Variants in SLCO1A2 observed in about 807,000 individuals in gnomAD.
SLCO1A2 encodes the protein solute carrier organic anion transporter family member 1A2.
A neutral mutation model predicts 69.0 loss-of-function variants in SLCO1A2; 67 were observed. That is an observed-to-expected ratio of 0.97 (90% CI 0.80 to 1.19). The LOEUF (loss-of-function observed/expected upper bound fraction) is 1.19, where lower values mean the gene tolerates loss of function less well. Ranked by LOEUF, SLCO1A2 falls within the 50% of genes most tolerant of loss-of-function variation. SLCO1A2 has a pLI of 0.00. For missense variants in SLCO1A2, 787 were observed against 793.7 expected (o/e 0.99, Z 0.10); for synonymous variants, 260 against 265.9 (o/e 0.98, Z 0.22).
chr12:21,406,542 A>C (rs1436218900), intron 1 of SLCO1A2, among the ~76,000 whole-genome samples: 1 of 152,218 alleles, frequency 6.6e-6, no homozygotes, highest in Non-Finnish European at 1.5e-5. Context: ...TAAAAATTAG[A>C]GTTAACAGTT....
intron 1 of SLCO1A2, among the ~76,000 whole-genome samples, chr12:21,406,472 T>A (rs576043523): frequency 8.7e-4 from 132 of 152,298 alleles, no homozygotes; most frequent in Admixed American, 2.3e-3. Flanking sequence ...GAAATGGAAA[T>A]TTCAATCTTT....
intron 12 of SLCO1A2, among the ~76,000 whole-genome samples, chr12:21,284,439 C>T (rs1591789859): frequency 7.4e-6 from 1 of 134,900 alleles, no homozygotes. Context: ...CAACATTAGA[C>T]AGATCAATGA....
At chr12:21,310,925 A>G (rs755516102) in intron 4 of SLCO1A2, among the ~76,000 whole-genome samples, 17 of 152,176 alleles carry the variant, frequency 1.1e-4, no homozygotes, top group Non-Finnish European at 2.4e-4. Context: ...GTTTGATAGC[A>G]TTTTACCCAC....
chr12:21,272,517 A>C (rs1227845256), intron 14 of SLCO1A2, among the ~76,000 whole-genome samples: 1 of 151,900 alleles, frequency 6.6e-6, no homozygotes, highest in African/African-American at 2.4e-5. Flanking sequence ...TTTATTATTA[A>C]GTAATATCTC....
At chr12:21,388,331 TC>T (rs375469487) in intron 1 of SLCO1A2, among the ~76,000 whole-genome samples, 80 of 152,116 alleles carry the variant, frequency 5.3e-4, no homozygotes, top group African/African-American at 1.9e-3. Flanking sequence ...CACCCAAATC[TC>T]ATTTTGAATT....
At position 21,403,914 on chromosome 12, in the gene SLCO1A2, A is replaced by T. The variant is rs550674091; in HGVS notation, c.-312+13968T>A. ...TCAAATATAATATGTTAATGTACTCATTGAGTAAACTGACACACATATATT... is the reference window on the plus strand; with the variant it reads ...TCAAATATAATATGTTAATGTACTCTTTGAGTAAACTGACACACATATATT... On this transcript the variant is annotated intron_variant, in intron 1 of 4. Coordinates refer to the SLCO1A2 transcript ENST00000413682. Among the ~76,000 whole-genome samples the T allele has an allele frequency of 3.3e-5, 5 of 152,152 alleles. No homozygotes were observed. In the South Asian group the frequency reaches 1.0e-3, roughly 32 times the overall value.
intron 2 of SLCO1A2, among the ~76,000 whole-genome samples, chr12:21,320,278 T>C (rs1443350767): frequency 6.6e-6 from 1 of 151,930 alleles, no homozygotes; most frequent in Non-Finnish European, 1.5e-5. Context: ...CCAGCCACAT[T>C]CTCTCTCTTC....
At chr12:21,372,815 T>G (rs1939897629) in intron 2 of SLCO1A2, 3 of 159,646 alleles carry the variant, frequency 1.9e-5, no homozygotes, top group African/African-American at 7.2e-5. Context: ...GGATGGAAAT[T>G]AATGACAGAG....
rs950985185 is a variant in SLCO1A2 at position 21,404,309 on chromosome 12, T to C, written c.-312+13573A>G. 8.5e-5 allele frequency among the ~76,000 whole-genome samples: 13 copies of C among 152,148 alleles called. No individual in the cohort carries two copies. In the South Asian group the frequency reaches 1.9e-3, roughly 22 times the overall value. Reference sequence around the variant, plus strand: ...TTGTTACATAGGTAAAAATGTGCCATGATGATTTGCTGCACCTATCAACCC... The same window carrying C: ...TTGTTACATAGGTAAAAATGTGCCACGATGATTTGCTGCACCTATCAACCC... On this transcript the variant is annotated intron_variant, in intron 1 of 4. Coordinates refer to the SLCO1A2 transcript ENST00000413682.
At chr12:21,365,829 C>G (rs1473000280) in intron 2 of SLCO1A2, among the ~76,000 whole-genome samples, 1 of 152,186 alleles carries the variant, frequency 6.6e-6, no homozygotes, top group Non-Finnish European at 1.5e-5. Context: ...CAGAGAAATG[C>G]ACATCAAAAC....
Position 21,269,665 on chromosome 12 carries a change from A to G in SLCO1A2, c.1896T>C (p.Asn632=). ...CTATAAGCTCTGTTCCTGAAGAGGCATTTTCACCAGGTAGATGACACTTCC... is the reference window on the plus strand; with the variant it reads ...CTATAAGCTCTGTTCCTGAAGAGGCGTTTTCACCAGGTAGATGACACTTCC... ...LLRKCHLPGE[N]ASSGTELIET... is the part of the protein sequence containing the mutation. Residue 632 remains asparagine (N), a synonymous_variant, in exon 15 of 15, where the codon AAT becomes AAC. Transcript: ENST00000683939. The G allele has an allele frequency of 6.2e-7, 1 of 1,612,716 alleles. No individual in the cohort carries two copies. The highest frequency in any genetic ancestry group is 2.2e-5 in the East Asian group (1 of 44,804).
At chr12:21,413,237 C>CTTTTTTTTTTTTTTTTTTTTTTTTTTTTT (rs3983534) in intron 1 of SLCO1A2, among the ~76,000 whole-genome samples, 16 of 99,468 alleles carry the variant, frequency 1.6e-4, no homozygotes, top group South Asian at 3.5e-4. Flanking sequence ...TTTTCTTTTT[C>CTTTTTTTTTTTTTTTTTTTTTTTTTTTTT]TTTTTTTTTT....
At chr12:21,293,302 C>T (rs1038098771) in intron 11 of SLCO1A2, among the ~76,000 whole-genome samples, 1 of 150,484 alleles carries the variant, frequency 6.6e-6, no homozygotes, top group African/African-American at 2.4e-5. Context: ...GACTCCATCT[C>T]AAAAAAAAGA....
chr12:21,347,669 A>AAAGGAAGGAAGGAAGGAAGG (rs147886864), intron 2 of SLCO1A2, among the ~76,000 whole-genome samples: 33,460 of 113,138 alleles, frequency 0.3, 6,068 homozygotes, highest in South Asian at 0.38. Flanking sequence ...AGAAAGAAAG[A>AAAGGAAGGAAGGAAGGAAGG]AAGGAAGGAA....
chr12:21,369,851 T>C (rs1041908319), intron 2 of SLCO1A2, among the ~76,000 whole-genome samples: 2 of 152,188 alleles, frequency 1.3e-5, no homozygotes, highest in African/African-American at 2.4e-5. Flanking sequence ...AAGGAGATTA[T>C]GCCCTTGTAA....
chr12:21,373,013 T>C (rs1394306606), intron 2 of SLCO1A2: 1 of 283,370 alleles, frequency 3.5e-6, no homozygotes, highest in Middle Eastern at 1.2e-3. Flanking sequence ...AGGTAAAGAA[T>C]TTCCTATTTC....
rs369635599 is a variant in SLCO1A2 at position 21,349,115 on chromosome 12, A to T, written c.-62-14406T>A. Among the ~76,000 whole-genome samples, 33 of 152,276 alleles carry T rather than the reference A, an allele frequency of 2.2e-4. 1 individual carries two copies. The South Asian group carries it at 6.2e-3, about 29-fold the overall frequency. On this transcript the variant is annotated intron_variant, in intron 2 of 15. Coordinates refer to the SLCO1A2 transcript ENST00000307378. ...ATTTTTTAAAAGGGGAGGAGAGAAG[A>T]TCTGTCCCTTTCCAGATGGTGAGGC...
intron 6 of SLCO1A2, among the ~76,000 whole-genome samples, chr12:21,302,555 ATT>A (rs34875372): frequency 2.8e-5 from 4 of 140,840 alleles, no homozygotes; most frequent in South Asian, 2.3e-4. Context: ...TTACCTCTCC[ATT>A]TTTTTTTTTT....
At chr12:21,347,175 A>T (rs1036140439) in intron 2 of SLCO1A2, among the ~76,000 whole-genome samples, 7 of 152,126 alleles carry the variant, frequency 4.6e-5, no homozygotes, top group Admixed American at 6.5e-5. Flanking sequence ...TTCCTTCCAT[A>T]CCCCAAAGGA....
Sources: gnomAD v4.1 joint callset for allele counts (sites outside exome capture counted in the v4.1 genomes callset) on GRCh38, gnomAD v4.1.1 for gene constraint, MANE v1.5 for transcripts, NCBI Gene and HGNC (gene_info 2026-07-23, HGNC 2026-07-21) for gene names.